Variants in MYO16 observed in about 807,000 individuals in gnomAD.
MYO16 encodes the protein unconventional myosin-XVI.
A neutral mutation model predicts 205.3 loss-of-function variants in MYO16; 94 were observed. The observed-to-expected ratio is 0.46, with a 90% CI of 0.39 to 0.54. The LOEUF (loss-of-function observed/expected upper bound fraction) is 0.54, where lower values mean the gene tolerates loss of function less well. Ranked by LOEUF, MYO16 falls within the 20% of genes least tolerant of loss-of-function variation. The probability of loss-of-function intolerance (pLI) is 0.00; values close to 1 mark genes in which losing one functional copy is unlikely to be tolerated. For synonymous variants in MYO16, 988 were observed against 954.0 expected (o/e 1.04, Z -0.66); for missense variants, 2,315 against 2,387.5 (o/e 0.97, Z 0.63).
chr13:108,943,455 TTTA>T (rs1882810582), intron 16 of MYO16, among the ~76,000 whole-genome samples: 1 of 152,194 alleles, frequency 6.6e-6, no homozygotes, highest in South Asian at 2.1e-4. Context: ...TCCTCTTTTT[TTTA>T]TTTTTTTTAT....
At chr13:108,957,244 C>T (rs1440914308) in intron 16 of MYO16, among the ~76,000 whole-genome samples, 1 of 151,790 alleles carries the variant, frequency 6.6e-6, no homozygotes, top group African/African-American at 2.4e-5. Flanking sequence ...ATTAGCCGGG[C>T]GTGGTGGCAC....
At chr13:108,630,742 T>C (rs183934146) in intron 1 of MYO16, among the ~76,000 whole-genome samples, 35 of 152,344 alleles carry the variant, frequency 2.3e-4, no homozygotes, top group Non-Finnish European at 3.8e-4. Flanking sequence ...CAATGTTAAA[T>C]TGAAGCAGCA....
At chr13:109,058,447 C>A (rs1887482773) in intron 27 of MYO16, among the ~76,000 whole-genome samples, 1 of 152,096 alleles carries the variant, frequency 6.6e-6, no homozygotes, top group Admixed American at 6.6e-5. Context: ...AAAGCTAATA[C>A]CATAATAAAG....
At chr13:108,723,060 T>G (rs1884220752) in intron 3 of MYO16, among the ~76,000 whole-genome samples, 3 of 152,140 alleles carry the variant, frequency 2.0e-5, no homozygotes, top group African/African-American at 4.8e-5. Flanking sequence ...TCACGGTGGT[T>G]GTTGTACACT....
intron 6 of MYO16, among the ~76,000 whole-genome samples, chr13:108,796,635 G>T (rs905505110): frequency 6.6e-6 from 1 of 152,098 alleles, no homozygotes. Flanking sequence ...GATGAAGCTG[G>T]AAACCATCAT....
At chr13:108,926,304 G>T (rs1360856568) in intron 16 of MYO16, among the ~76,000 whole-genome samples, 2 of 152,190 alleles carry the variant, frequency 1.3e-5, no homozygotes, top group African/African-American at 2.4e-5. Context: ...CCGATTCAAA[G>T]AGTAGCTATT....
intron 34 of MYO16, among the ~76,000 whole-genome samples, chr13:109,181,433 C>T (rs756340609): frequency 6.6e-6 from 1 of 152,210 alleles, no homozygotes; most frequent in Non-Finnish European, 1.5e-5. Flanking sequence ...ATGCAGGGAA[C>T]CAGCTTTTTA....
chr13:109,176,869 A>G (rs940789849), intron 33 of MYO16, among the ~76,000 whole-genome samples: 1 of 151,582 alleles, frequency 6.6e-6, no homozygotes, highest in Non-Finnish European at 1.5e-5. Context: ...AAGCTGCCAT[A>G]TGTCCCTGTC....
intron 9 of MYO16, among the ~76,000 whole-genome samples, chr13:108,825,303 T>C (rs1407940565): frequency 6.6e-6 from 1 of 152,146 alleles, no homozygotes; most frequent in Non-Finnish European, 1.5e-5. Context: ...CATGATTATC[T>C]CAATATATGC....
At chr13:108,835,571 A>G (rs1325793446) in intron 9 of MYO16, among the ~76,000 whole-genome samples, 1 of 152,210 alleles carries the variant, frequency 6.6e-6, no homozygotes, top group Non-Finnish European at 1.5e-5. Flanking sequence ...AGAGGCTGGA[A>G]CAGTTTGAAG....
At chr13:108,945,915 AATTAAC>A (rs1882921145) in intron 16 of MYO16, among the ~76,000 whole-genome samples, 1 of 152,144 alleles carries the variant, frequency 6.6e-6, no homozygotes, top group Non-Finnish European at 1.5e-5. Flanking sequence ...TGATGTTTCT[AATTAAC>A]ATGTCAGAAA....
At chr13:109,179,294 T>A (rs1879352951) in intron 33 of MYO16, among the ~76,000 whole-genome samples, 1 of 152,230 alleles carries the variant, frequency 6.6e-6, no homozygotes, top group Admixed American at 6.5e-5. Flanking sequence ...TTTGTGCTAT[T>A]ATCACATATC....
At chr13:108,561,503 G>A in the MYO16 span, among the ~76,000 whole-genome samples, 1 of 152,100 alleles carries the variant, frequency 6.6e-6, no homozygotes, top group Non-Finnish European at 1.5e-5. Context: ...GAAAACCTTG[G>A]TTTTTTTCTT....
intron 9 of MYO16, among the ~76,000 whole-genome samples, chr13:108,832,144 A>ATT (rs10635580): frequency 0.029 from 3,879 of 134,508 alleles, 180 homozygotes; most frequent in African/African-American, 0.078. Context: ...TTCCGTATGG[A>ATT]TTTTTTTTTT....
chr13:109,124,649 T>C (rs1347145965), intron 29 of MYO16, among the ~76,000 whole-genome samples: 2 of 152,216 alleles, frequency 1.3e-5, no homozygotes, highest in Non-Finnish European at 2.9e-5. Context: ...TTAAATATAG[T>C]GTTAATTTCT....
chr13:109,142,844 A>C (rs1346622856), intron 32 of MYO16, among the ~76,000 whole-genome samples: 1 of 152,148 alleles, frequency 6.6e-6, no homozygotes, highest in African/African-American at 2.4e-5. Context: ...GCTGCTGCCC[A>C]GCCCAATCCC....
chr13:108,994,374 G>A (rs1213434059), intron 21 of MYO16, among the ~76,000 whole-genome samples: 3 of 152,072 alleles, frequency 2.0e-5, no homozygotes, highest in Non-Finnish European at 4.4e-5. Context: ...CTTTGCTATT[G>A]TGTACAAAAG....
At chr13:108,549,912 T>C in the MYO16 span, among the ~76,000 whole-genome samples, 1 of 152,256 alleles carries the variant, frequency 6.6e-6, no homozygotes, top group Non-Finnish European at 1.5e-5. Flanking sequence ...ATTCAAATTG[T>C]CTGAACTGAA....
At chr13:108,739,119 C>T (rs1295309735) in intron 4 of MYO16, among the ~76,000 whole-genome samples, 1 of 152,126 alleles carries the variant, frequency 6.6e-6, no homozygotes, top group East Asian at 1.9e-4. Flanking sequence ...TTAATTGGAG[C>T]ATTTAGTCCA....
Sources: allele counts gnomAD v4.1 joint callset (sites outside exome capture counted in the v4.1 genomes callset), GRCh38; gene constraint gnomAD v4.1.1; transcripts MANE v1.5; gene names NCBI Gene and HGNC (gene_info 2026-07-23, HGNC 2026-07-21).